Variants in DIAPH2 observed in about 807,000 individuals in gnomAD.
The protein encoded by DIAPH2 is diaphanous related formin 2.
In DIAPH2, 35 loss-of-function variants were observed where a neutral mutation model predicts 92.7. That is an observed-to-expected ratio of 0.38 (90% CI 0.29 to 0.50). DIAPH2 has a LOEUF of 0.50. DIAPH2 is among the 20% of genes least tolerant of loss of function. DIAPH2 has a pLI of 0.94. For synonymous variants in DIAPH2, 301 were observed against 280.4 expected (o/e 1.07, Z -0.73); for missense variants, 701 against 819.5 (o/e 0.86, Z 1.77).
At chrX:96,747,306 G>A (rs1392195115) in intron 3 of DIAPH2, among the ~76,000 whole-genome samples, 2 of 112,033 alleles carry the variant, frequency 1.8e-5, no homozygotes, top group African/African-American at 3.2e-5. Flanking sequence ...ATATAGATAC[G>A]TCAATAAGGA....
intron 26 of DIAPH2, among the ~76,000 whole-genome samples, chrX:97,508,677 CAT>C (rs1214515336): frequency 1.8e-5 from 2 of 112,006 alleles, no homozygotes; most frequent in Non-Finnish European, 3.8e-5. Context: ...AAGTGACAAA[CAT>C]AGGAAAGCAT....
At chrX:97,442,267 G>T (rs2070267447) in intron 26 of DIAPH2, 1 of 112,903 alleles carries the variant, frequency 8.9e-6, no homozygotes, top group Non-Finnish European at 1.9e-5. Context: ...TTAAGTTCAT[G>T]TCAAAAATTC....
intron 20 of DIAPH2, among the ~76,000 whole-genome samples, chrX:97,112,574 T>C (rs763443777): frequency 1.8e-5 from 2 of 109,740 alleles, no homozygotes; most frequent in Non-Finnish European, 3.8e-5. Flanking sequence ...TAGACTTTGA[T>C]GCGATTAGCT....
At chrX:97,286,103 C>T (rs981024101) in intron 23 of DIAPH2, among the ~76,000 whole-genome samples, 1 of 101,227 alleles carries the variant, frequency 9.9e-6, no homozygotes, top group Non-Finnish European at 2.0e-5. Flanking sequence ...TGCAGTGGTG[C>T]GATCTCGGCT....
Position 96,928,585 on chromosome X carries a change from A to G in DIAPH2, c.979-2148A>G, listed in dbSNP as rs1209125780. Among the ~76,000 whole-genome samples the G allele has an allele frequency of 3.6e-5, 4 of 111,591 alleles. No individual in the cohort carries two copies. The East Asian group carries it at 1.1e-3, about 31-fold the overall frequency. ...TTGTTTTCCACATTCATATTACAAT[A>G]TACATATTTCTGTAAAAGAATATTA... On this transcript the variant is annotated intron_variant, in intron 9 of 26. Coordinates refer to ENST00000324765, the MANE Select transcript of DIAPH2 (RefSeq NM_006729.5).
intron 26 of DIAPH2, among the ~76,000 whole-genome samples, chrX:97,439,714 TCCAG>T (rs1296319005): frequency 1.1e-5 from 1 of 90,608 alleles, no homozygotes; most frequent in Non-Finnish European, 2.1e-5. Context: ...GCCACTGCAC[TCCAG>T]CCCAGGTGAC....
At chrX:96,773,244 C>CCCCCCAA (rs1556143661) in intron 4 of DIAPH2, among the ~76,000 whole-genome samples, 2 of 86,473 alleles carry the variant, frequency 2.3e-5, no homozygotes, top group African/African-American at 8.1e-5. Context: ...GTTTCCCCCC[C>CCCCCCAA]CCTCCCGCCC....
intron 26 of DIAPH2, chrX:97,555,513 A>G (rs947597156): frequency 3.3e-6 from 2 of 601,623 alleles, no homozygotes; most frequent in African/African-American, 4.9e-5. Flanking sequence ...TATAATGAAC[A>G]TGATGGACTG....
chrX:97,456,117 G>A (rs2070401733), intron 26 of DIAPH2, among the ~76,000 whole-genome samples: 1 of 112,553 alleles, frequency 8.9e-6, no homozygotes, highest in South Asian at 3.7e-4. Flanking sequence ...GCCGGGCGCG[G>A]TGGCTCACGC....
Position 97,469,177 on chromosome X carries a change from C to T in DIAPH2, c.3241+39432C>T, listed in dbSNP as rs759001360. On this transcript the variant is annotated intron_variant, in intron 26 of 26. Coordinates refer to ENST00000324765, the MANE Select transcript of DIAPH2 (RefSeq NM_006729.5). ...TCTTTCCAGGTGGCATCCATTAGGA[C>T]AAACATTATGAAAAGGCCACTGACC... 2.3e-4 allele frequency among the ~76,000 whole-genome samples: 26 copies of T among 111,380 alleles called. No individual in the cohort carries two copies. In the South Asian group the frequency reaches 8.7e-3, roughly 37 times the overall value.
chrX:96,750,055 T>C lies in DIAPH2; in HGVS notation c.343-8099T>C, dbSNP rs930946645. ...CTAACTCATGCTATATTTCAAGTTT[T>C]TTTTTTTTTTTTTTTTTTTTGAGAT... is the stretch of plus-strand genomic sequence containing the variant. On this transcript the variant is annotated intron_variant, in intron 3 of 26. Coordinates refer to ENST00000324765, the MANE Select transcript of DIAPH2 (RefSeq NM_006729.5). Among the ~76,000 whole-genome samples the C allele has an allele frequency of 1.2e-4, 12 of 96,523 alleles. No homozygotes were observed. In the Admixed American group the frequency reaches 1.3e-3, roughly 11 times the overall value. The allele number at this position is 96,523 out of a possible 115,157, so 83.8% of individuals were successfully genotyped here. A position where few individuals can be genotyped will look rare whatever the true frequency, so the allele number is the denominator to read the frequency against.
At chrX:97,006,213 G>C (rs2066181382) in intron 17 of DIAPH2, among the ~76,000 whole-genome samples, 1 of 111,642 alleles carries the variant, frequency 9.0e-6, no homozygotes, top group Non-Finnish European at 1.9e-5. Flanking sequence ...GTATGTCCTT[G>C]AGAATGATCC....
At chrX:97,570,478 G>A (rs997779586) in intron 26 of DIAPH2, among the ~76,000 whole-genome samples, 1 of 108,849 alleles carries the variant, frequency 9.2e-6, no homozygotes, top group African/African-American at 3.3e-5. Flanking sequence ...TCTTGTAAAT[G>A]ATAGACAAAG....
At chrX:97,525,628 G>A (rs563073873) in intron 26 of DIAPH2, among the ~76,000 whole-genome samples, 224 of 112,461 alleles carry the variant, frequency 2.0e-3, no homozygotes, top group African/African-American at 7.0e-3. Flanking sequence ...GAATAAATGA[G>A]TAGATGAATG....
chrX:96,985,478 CA>C (rs1229841975), intron 17 of DIAPH2, among the ~76,000 whole-genome samples: 1 of 110,553 alleles, frequency 9.0e-6, no homozygotes, highest in Non-Finnish European at 1.9e-5. Flanking sequence ...GTACCAAACA[CA>C]AACATTTTTT....
In DIAPH2 at chrX:97,486,787, A is replaced by G. The variant is rs768249417; in HGVS notation, c.3241+57042A>G. Among the ~76,000 whole-genome samples, 5 of 111,959 alleles carry G rather than the reference A, an allele frequency of 4.5e-5. No individual in the cohort carries two copies. The East Asian group carries it at 1.4e-3, about 31-fold the overall frequency. ...TTGTAGGAAGAAAACTTAACAAGAGATCTACCCTCTTATCAAATCTTTAAG... is the reference window on the plus strand; with the variant it reads ...TTGTAGGAAGAAAACTTAACAAGAGGTCTACCCTCTTATCAAATCTTTAAG... On this transcript the variant is annotated intron_variant, in intron 26 of 26. Coordinates refer to ENST00000324765, the MANE Select transcript of DIAPH2 (RefSeq NM_006729.5).
At chrX:97,035,563 T>C (rs1179426822) in intron 17 of DIAPH2, among the ~76,000 whole-genome samples, 2 of 111,529 alleles carry the variant, frequency 1.8e-5, no homozygotes, top group Non-Finnish European at 3.8e-5. Flanking sequence ...AGATATTGAG[T>C]GTCAGTTTGA....
At chrX:96,798,037 C>T (rs2064553928) in intron 4 of DIAPH2, among the ~76,000 whole-genome samples, 1 of 112,514 alleles carries the variant, frequency 8.9e-6, no homozygotes, top group Admixed American at 9.4e-5. Context: ...TTTGGCTCTC[C>T]ATATCTGCGG....
At chrX:97,482,660 G>GAAA (rs397932731) in intron 26 of DIAPH2, among the ~76,000 whole-genome samples, 3 of 85,547 alleles carry the variant, frequency 3.5e-5, no homozygotes. Flanking sequence ...GGACCAAAAA[G>GAAA]AAAAAAAAAA....
Sources: gnomAD v4.1 joint callset for allele counts (sites outside exome capture counted in the v4.1 genomes callset) on GRCh38, gnomAD v4.1.1 for gene constraint, MANE v1.5 for transcripts, NCBI Gene and HGNC (gene_info 2026-07-23, HGNC 2026-07-21) for gene names.